Variants in UNC45A observed in about 807,000 individuals in gnomAD.
UNC45A encodes the protein protein unc-45 homolog A.
UNC45A carries 78 observed loss-of-function variants against 103.2 expected under a neutral mutation model. That is an observed-to-expected ratio of 0.76 (90% CI 0.63 to 0.91). The LOEUF (loss-of-function observed/expected upper bound fraction) is 0.91, where lower values mean the gene tolerates loss of function less well. Ranked by LOEUF, UNC45A falls within the 40% of genes least tolerant of loss-of-function variation. The pLI, the probability that UNC45A is intolerant of heterozygous loss-of-function variation, is 0.00. For missense variants in UNC45A, 1,193 were observed against 1,224.8 expected (o/e 0.97, Z 0.39); for synonymous variants, 495 against 504.6 (o/e 0.98, Z 0.25).
Position 90,946,777 on chromosome 15 carries a change from C to G in UNC45A, c.1363C>G (p.Leu455Val). The G allele has an allele frequency of 6.2e-7, 1 of 1,614,236 alleles. No individual in the cohort carries two copies. Residue 455 changes from leucine to valine, a missense_variant, in exon 10 of 20, where the codon CTG becomes GTG. Leu to Val is a conservative substitution (Grantham distance 32). Coordinates refer to ENST00000418476, the MANE Select transcript of UNC45A (RefSeq NM_018671.5). Reference protein sequence around the residue: ...LCASEQEEEQLVAVEALIHAA... With the variant: ...LCASEQEEEQVVAVEALIHAA... ...TGCCTCTGAGCAGGAGGAGGAGCAG[C>G]TGGTGGCCGTGGAGGCTCTGATCCA...
At chr15:90,949,134 C>G (rs939616818) in intron 13 of UNC45A, among the ~76,000 whole-genome samples, 182 bp from the exon 14 acceptor site, 1 of 152,262 alleles carries the variant, frequency 6.6e-6, no homozygotes, top group Admixed American at 6.5e-5. Context: ...CCTCAGCCTC[C>G]CAAAGTGCTG....
In UNC45A at chr15:90,954,028, A is replaced by G; in HGVS notation, c.*312A>G. On this transcript the variant is annotated 3_prime_UTR_variant, in exon 20 of 20. Transcript: ENST00000418476. The stretch of plus-strand genomic sequence containing the variant: ...GGGCATCTGGAAGGGCGCACACATC[A>G]GCAGCCTCACCAGCTGTGAGCCTGC... 1 of 402,804 alleles carries G rather than the reference A, an allele frequency of 2.5e-6. No homozygotes were observed. The highest frequency in any genetic ancestry group is 4.7e-6 in the Non-Finnish European group (1 of 214,402). 25.0% of individuals were successfully genotyped at this position (402,804 alleles called of 1,614,324 possible). A position where few individuals can be genotyped will look rare whatever the true frequency, so the allele number is the denominator to read the frequency against.
intron 15 of UNC45A, 112 bp downstream of exon 15, chr15:90,949,832 A>T (rs540360384): frequency 1.7e-6 from 2 of 1,160,318 alleles, no homozygotes; most frequent in East Asian, 4.7e-5. Flanking sequence ...AAAAACATTA[A>T]TGGCCAGAGG....
upstream of UNC45A, chr15:90,931,115 GCAGGAGACCTTCAGACT>G: frequency 1.2e-6 from 1 of 810,218 alleles, no homozygotes; most frequent in Non-Finnish European, 1.9e-6. Context: ...AGCTTAGTTA[GCAGGAGACCTTCAGACT>G]GAGAAAAAAT....
intron 8 of UNC45A, among the ~76,000 whole-genome samples, chr15:90,943,540 G>A (rs1305843145): frequency 2.0e-5 from 3 of 152,068 alleles, no homozygotes; most frequent in African/African-American, 7.2e-5. Context: ...ATCTTCCAGA[G>A]CAATGGGATT....
chr15:90,953,524 G>C lies in UNC45A; in HGVS notation c.2643G>C (p.Arg881=). The change falls in exon 20 of 20, where the codon CGG becomes CGC. Residue 881 remains arginine (R), a synonymous_variant. Transcript: ENST00000418476. The part of the protein sequence containing the change: ...LLSSNQELQH[R]GAVVVLNMVE... ...GCTCCAACCAGGAGCTGCAGCACCGGGGTGCTGTGGTGGTGCTGAACATGG... is the reference window on the plus strand; with the variant it reads ...GCTCCAACCAGGAGCTGCAGCACCGCGGTGCTGTGGTGGTGCTGAACATGG... 3.7e-6 allele frequency: 6 copies of C among 1,614,138 alleles called. No individual in the cohort carries two copies. The highest frequency in any genetic ancestry group is 4.2e-6 in the Non-Finnish European group (5 of 1,180,036).
rs2036857938 is a variant in UNC45A at position 90,950,685 on chromosome 15, C to T, written c.2303+70C>T. 15 of 1,480,480 alleles carry T rather than the reference C, an allele frequency of 1.0e-5. No individual in the cohort carries two copies. In the Admixed American group the frequency reaches 2.8e-4, roughly 28 times the overall value. The allele number at this position is 1,480,480 out of a possible 1,614,324, so 91.7% of individuals were successfully genotyped here. On this transcript the variant is annotated intron_variant, in intron 17 of 19. Coordinates refer to ENST00000418476, the MANE Select transcript of UNC45A (RefSeq NM_018671.5). ...TCGGAATATCCCCCACAGCAGTTTA[C>T]ACATTGGGAAACACTCCTTGGTCAT...
rs75102801 is a variant in UNC45A, at chr15:90,945,170, G to A, written c.1199+107G>A. On this transcript the variant is annotated intron_variant, in intron 9 of 19. Coordinates refer to ENST00000418476, the MANE Select transcript of UNC45A (RefSeq NM_018671.5). ...GGTTTCCAGCAGAAACAGTAATCTT[G>A]GGGAGGACTAGTTGGAGGCTGAACA... The A allele has an allele frequency of 8.1e-4, 1,165 of 1,442,936 alleles. 12 individuals carry two copies. In the East Asian group the frequency reaches 0.022, roughly 28 times the overall value. 89.4% of individuals were successfully genotyped at this position (1,442,936 alleles called of 1,614,324 possible).
At chr15:90,953,077 C>T (rs563467217) in intron 18 of UNC45A, 31 bp downstream of exon 18, 62 of 1,613,234 alleles carry the variant, frequency 3.8e-5, no homozygotes, top group South Asian at 9.9e-5. Flanking sequence ...TCATGACAGG[C>T]GGGGATGCAG....
intron 11 of UNC45A, 47 bp from the exon 12 acceptor site, chr15:90,948,095 C>T: frequency 6.2e-7 from 1 of 1,609,798 alleles, no homozygotes; most frequent in Non-Finnish European, 8.5e-7. Flanking sequence ...GTGTACCCCT[C>T]CGTACCCCCA....
intron 10 of UNC45A, 120 bp downstream of exon 10, chr15:90,947,034 A>G (rs1596232717): frequency 2.4e-6 from 3 of 1,235,810 alleles, no homozygotes; most frequent in South Asian, 3.0e-5. Context: ...TGTAATGCCA[A>G]AAAAATTAGC....
At chr15:90,941,058 G>A (rs537715364) in intron 6 of UNC45A, 2 of 152,244 alleles carry the variant, frequency 1.3e-5, no homozygotes, top group South Asian at 4.2e-4. Flanking sequence ...CAGCCTTGGG[G>A]TACCCCAAGC....
upstream of UNC45A, chr15:90,931,529 T>C: frequency 5.6e-6 from 9 of 1,614,116 alleles, no homozygotes; most frequent in Non-Finnish European, 6.8e-6. Flanking sequence ...CCTGAAAACT[T>C]CCCCTTGGCC....
chr15:90,935,594 T>A lies in UNC45A; in HGVS notation c.102T>A (p.Cys34Ter). The A allele has an allele frequency of 6.2e-7, 1 of 1,613,272 alleles. No individual in the cohort carries two copies. The change falls in exon 2 of 20, where the codon TGT (cysteine) becomes TGA (stop). Residue 34 changes from cysteine (C) to a stop codon, truncating the protein, a stop_gained. Coordinates refer to ENST00000418476, the MANE Select transcript of UNC45A (RefSeq NM_018671.5). LOFTEE classifies it high-confidence loss of function. ...AGGAGGGCAATGAGCTGTTCAAATG[T>A]GGAGACTACGGGGGCGCCCTGGCGG... Reference protein sequence around the residue: ...LRKEGNELFKCGDYGGALAAY... With the variant: ...LRKEGNELFK
At chr15:90,952,352 A>G (rs1175183626) in intron 17 of UNC45A, 1 of 153,250 alleles carries the variant, frequency 6.5e-6, no homozygotes, top group African/African-American at 2.4e-5. Flanking sequence ...CTCATAGTAG[A>G]AGGCAAAGCA....
chr15:90,940,485 G>C lies in UNC45A; in HGVS notation c.687+12G>C. 6.2e-7 allele frequency: 1 copy of C among 1,605,812 alleles called. No homozygotes were observed. The highest frequency in any genetic ancestry group is 8.5e-7 in the Non-Finnish European group (1 of 1,174,348). On this transcript the variant is annotated intron_variant, in intron 6 of 19. Coordinates refer to ENST00000418476, the MANE Select transcript of UNC45A (RefSeq NM_018671.5). ...AGCATCAGTCACGGGTAGGTGGAGT[G>C]GAGAGGCTGGTTACAGCTTCAGTCC...
chr15:90,949,217 C>T, intron 13 of UNC45A, 99 bp from the exon 14 acceptor site: 3 of 1,489,098 alleles, frequency 2.0e-6, no homozygotes, highest in Non-Finnish European at 2.7e-6. Context: ...TTTTGTCTGG[C>T]TGTTTTATTT....
At chr15:90,949,757 C>A in intron 15 of UNC45A, 37 bp downstream of exon 15, 1 of 1,604,246 alleles carries the variant, frequency 6.2e-7, no homozygotes. Flanking sequence ...GATGGCTGAG[C>A]CATCAGCCTA....
chr15:90,935,495 G>A, intron 1 of UNC45A, 49 bp from the exon 2 acceptor site: 1 of 1,574,158 alleles, frequency 6.4e-7, no homozygotes, highest in East Asian at 2.3e-5. Flanking sequence ...TAGCTCCCGG[G>A]CTCTGCCCCG....
Sources: allele counts gnomAD v4.1 joint callset (sites outside exome capture counted in the v4.1 genomes callset), GRCh38; gene constraint gnomAD v4.1.1; transcripts MANE v1.5; gene names NCBI Gene and HGNC (gene_info 2026-07-23, HGNC 2026-07-21).